Variants in ZNF385B observed in about 807,000 individuals in gnomAD.
ZNF385B encodes zinc finger protein 385B.
In ZNF385B, 23 loss-of-function variants were observed where a neutral mutation model predicts 39.2. That is an observed-to-expected ratio of 0.59 (90% CI 0.42 to 0.83). The LOEUF (loss-of-function observed/expected upper bound fraction) is 0.83, where lower values mean the gene tolerates loss of function less well. Among genes scored for constraint, ZNF385B ranks in the 40% least tolerant of loss-of-function variants. The pLI is 0.00. For synonymous variants in ZNF385B, 205 were observed against 222.6 expected (o/e 0.92, Z 0.70); for missense variants, 552 against 598.9 (o/e 0.92, Z 0.82).
chr2:179,840,379 T>A (rs1708478437), intron 1 of ZNF385B, among the ~76,000 whole-genome samples: 2 of 152,200 alleles, frequency 1.3e-5, no homozygotes, highest in South Asian at 4.1e-4. Context: ...GCTTGGATTG[T>A]CTGTGCAAAA....
chr2:179,587,840 T>C lies in ZNF385B; in HGVS notation c.299-42871A>G, dbSNP rs1308995023. ...CTGTTCATAAGAAGATCAAGGGTAC[T>C]ATGAACATTTAACTTCTATTTTCTC... On this transcript the variant is annotated intron_variant, in intron 3 of 9. Coordinates refer to ENST00000410066, the MANE Select transcript of ZNF385B (RefSeq NM_152520.6). 2.0e-5 allele frequency among the ~76,000 whole-genome samples: 3 copies of C among 152,358 alleles called. No individual in the cohort carries two copies. The East Asian group carries it at 5.8e-4, about 29-fold the overall frequency.
chr2:179,698,040 G>A (rs755661613), intron 3 of ZNF385B, among the ~76,000 whole-genome samples: 10 of 152,140 alleles, frequency 6.6e-5, no homozygotes, highest in South Asian at 4.1e-4. Flanking sequence ...AGGGCCTGTC[G>A]TGGAGTGGAG....
intron 1 of ZNF385B, among the ~76,000 whole-genome samples, chr2:179,811,782 C>CA (rs1282573903): frequency 4.6e-5 from 7 of 150,828 alleles, no homozygotes; most frequent in Admixed American, 2.6e-4. Flanking sequence ...GCCACACACA[C>CA]AAAAAAAAAT....
chr2:179,698,378 C>A (rs1698928206), intron 3 of ZNF385B, among the ~76,000 whole-genome samples: 1 of 152,018 alleles, frequency 6.6e-6, no homozygotes, highest in African/African-American at 2.4e-5. Flanking sequence ...TTAAAATAAC[C>A]ATAATTATAC....
intron 5 of ZNF385B, among the ~76,000 whole-genome samples, chr2:179,515,859 C>A (rs1229454945): frequency 6.6e-6 from 1 of 152,090 alleles, no homozygotes; most frequent in Non-Finnish European, 1.5e-5. Flanking sequence ...GTAAACATCA[C>A]AACAATAAAG....
chr2:179,475,745 C>A (rs1438007236), intron 6 of ZNF385B, among the ~76,000 whole-genome samples: 5 of 151,256 alleles, frequency 3.3e-5, no homozygotes, highest in African/African-American at 7.3e-5. Flanking sequence ...GTGTTTTTCA[C>A]TGAAACATGT....
At chr2:179,595,328 TCAA>T (rs1687908072) in intron 3 of ZNF385B, among the ~76,000 whole-genome samples, 1 of 152,214 alleles carries the variant, frequency 6.6e-6, no homozygotes, top group South Asian at 2.1e-4. Context: ...TATGGATTAT[TCAA>T]CAACTATGCC....
chr2:179,713,186 T>A (rs1266947649), intron 3 of ZNF385B, among the ~76,000 whole-genome samples: 1 of 152,240 alleles, frequency 6.6e-6, no homozygotes, highest in African/African-American at 2.4e-5. Context: ...TATTTTCACC[T>A]AAGATGGGTT....
In ZNF385B at chr2:179,548,009, A is replaced by C. The variant is rs375530160; in HGVS notation, c.299-3040T>G. Among the ~76,000 whole-genome samples, 9 of 149,136 alleles carry C rather than the reference A, an allele frequency of 6.0e-5. 1 individual carries two copies. The highest frequency in any genetic ancestry group is 2.3e-4 in the African/African-American group (9 of 39,502). ...TATTATAAATAGGATTACCTTCTTG[A>C]TTTCTTTTTCAGATTGTTTGCTGTT... On this transcript the variant is annotated intron_variant, in intron 3 of 9. Transcript: ENST00000410066.
intron 5 of ZNF385B, 66 bp downstream of exon 5, chr2:179,518,462 G>T: frequency 9.0e-7 from 1 of 1,107,518 alleles, no homozygotes; most frequent in Non-Finnish European, 1.3e-6. Context: ...AGAAATGTAC[G>T]TATTTAGATC....
chr2:179,659,106 A>C (rs1263581048), intron 3 of ZNF385B, among the ~76,000 whole-genome samples: 1 of 152,218 alleles, frequency 6.6e-6, no homozygotes, highest in East Asian at 1.9e-4. Context: ...TACCTCCAAA[A>C]TAAAGACTGA....
At chr2:179,817,556 G>T (rs945112373) in intron 1 of ZNF385B, among the ~76,000 whole-genome samples, 1 of 152,144 alleles carries the variant, frequency 6.6e-6, no homozygotes, top group Non-Finnish European at 1.5e-5. Flanking sequence ...AAGATCAAGA[G>T]AATGTAAATC....
intron 3 of ZNF385B, among the ~76,000 whole-genome samples, chr2:179,748,413 A>G (rs1465061188): frequency 6.6e-6 from 1 of 152,164 alleles, no homozygotes; most frequent in Non-Finnish European, 1.5e-5. Context: ...AAAAGGACAC[A>G]TGTATTTCAG....
intron 3 of ZNF385B, among the ~76,000 whole-genome samples, chr2:179,705,354 T>C (rs555450236): frequency 1.1e-4 from 16 of 152,240 alleles, no homozygotes; most frequent in Non-Finnish European, 1.6e-4. Flanking sequence ...TCCTTCCTTG[T>C]TTCTGGTTTC....
At chr2:179,674,508 A>G (rs1483711671) in intron 3 of ZNF385B, among the ~76,000 whole-genome samples, 1 of 152,218 alleles carries the variant, frequency 6.6e-6, no homozygotes, top group Non-Finnish European at 1.5e-5. Flanking sequence ...CTATTGAATT[A>G]TTTTAAAGTC....
intron 3 of ZNF385B, among the ~76,000 whole-genome samples, chr2:179,711,881 ATTTTTTTT>A (rs747336802): frequency 1.1e-5 from 1 of 90,930 alleles, no homozygotes; most frequent in African/African-American, 4.4e-5. Context: ...TATAAACTGC[ATTTTTTTT>A]TTTTTTTTTT....
chr2:179,684,054 G>A (rs915901971), intron 3 of ZNF385B, among the ~76,000 whole-genome samples: 1 of 151,984 alleles, frequency 6.6e-6, no homozygotes, highest in African/African-American at 2.4e-5. Flanking sequence ...TCTGAAAGAT[G>A]GACCTTGGAG....
At chr2:179,483,509 A>T in intron 5 of ZNF385B, 75 bp from the exon 6 acceptor site, 1 of 1,586,502 alleles carries the variant, frequency 6.3e-7, no homozygotes, top group East Asian at 2.2e-5. Context: ...GCAGGAGAAA[A>T]ATACATTCTA....
chr2:179,771,632 T>C (rs1283909147), intron 1 of ZNF385B, among the ~76,000 whole-genome samples: 1 of 152,178 alleles, frequency 6.6e-6, no homozygotes, highest in South Asian at 2.1e-4. Flanking sequence ...CACATAAATA[T>C]TTTTGCTTTT....
Sources: allele counts gnomAD v4.1 joint callset (sites outside exome capture counted in the v4.1 genomes callset), GRCh38; gene constraint gnomAD v4.1.1; transcripts MANE v1.5; gene names NCBI Gene and HGNC (gene_info 2026-07-23, HGNC 2026-07-21).